The following HIVEP3 variants were observed in gnomAD, a reference collection of about 807,000 sequenced individuals.
HIVEP3 encodes transcription factor HIVEP3.
In HIVEP3, 49 loss-of-function variants were observed where a neutral mutation model predicts 152.8. The observed-to-expected ratio is 0.32, with a 90% CI of 0.26 to 0.41. The LOEUF (loss-of-function observed/expected upper bound fraction) is 0.41. Ranked by LOEUF, HIVEP3 falls within the 10% of genes least tolerant of loss-of-function variation. The probability of loss-of-function intolerance (pLI) is 1.00; values close to 1 mark genes in which losing one functional copy is unlikely to be tolerated. For synonymous variants in HIVEP3, 1,269 were observed against 1,289.0 expected, an observed-to-expected ratio of 0.98 and a Z score of 0.33; for missense variants, 2,790 against 3,103.3, an observed-to-expected ratio of 0.90 and a Z score of 2.40.
chr1:41,740,865 G>A (rs993273391), intron 1 of HIVEP3, among the ~76,000 whole-genome samples: 1 of 152,200 alleles, frequency 6.6e-6, no homozygotes, highest in African/African-American at 2.4e-5. Context: ...AGCATGGCTG[G>A]GGAGGACAGC....
chr1:41,600,729 C>T (rs577869104), intron 3 of HIVEP3, among the ~76,000 whole-genome samples: 2 of 152,254 alleles, frequency 1.3e-5, no homozygotes, highest in Admixed American at 6.5e-5. Flanking sequence ...AAGATTTTAA[C>T]AGGCACTACA....
chr1:41,725,631 G>A (rs938294686), intron 1 of HIVEP3, among the ~76,000 whole-genome samples: 1 of 152,186 alleles, frequency 6.6e-6, no homozygotes, highest in Non-Finnish European at 1.5e-5. Flanking sequence ...TCCAGCATCC[G>A]TATGGAAACT....
intron 1 of HIVEP3, among the ~76,000 whole-genome samples, chr1:41,889,321 T>C (rs558049137): frequency 1.6e-4 from 25 of 152,312 alleles, no homozygotes; most frequent in African/African-American, 6.0e-4. Context: ...GAAACCTTAG[T>C]TGCAGCTTTA....
chr1:41,648,959 C>A (rs1645503791), intron 2 of HIVEP3, among the ~76,000 whole-genome samples: 1 of 152,266 alleles, frequency 6.6e-6, no homozygotes, highest in Admixed American at 6.5e-5. Flanking sequence ...GGCTTGGTAG[C>A]TCAAGTGCTC....
At position 41,607,995 on chromosome 1, in the gene HIVEP3, T is replaced by G. The variant is rs116791661; in HGVS notation, c.-522+20754A>C. ...TGTCATTTCAGCTCACACGAGCCCATGGCCACTCCTAGCTGCTAGGAGGGT... is the reference window on the plus strand; with the variant it reads ...TGTCATTTCAGCTCACACGAGCCCAGGGCCACTCCTAGCTGCTAGGAGGGT... On this transcript the variant is annotated intron_variant, in intron 3 of 8. Coordinates refer to ENST00000372583, the MANE Select transcript of HIVEP3 (RefSeq NM_024503.5). 2.2e-3 allele frequency among the ~76,000 whole-genome samples: 332 copies of G among 152,320 alleles called. 1 individual carries two copies. Among genetic ancestry groups the G allele is most frequent in the African/African-American group, 7.5e-3 (312 of 41,564 alleles).
At chr1:41,763,156 C>A (rs1367355576) in intron 1 of HIVEP3, among the ~76,000 whole-genome samples, 1 of 152,192 alleles carries the variant, frequency 6.6e-6, no homozygotes, top group Non-Finnish European at 1.5e-5. Flanking sequence ...GGGTCAGAGA[C>A]CCTCTTTTTC....
intron 1 of HIVEP3, among the ~76,000 whole-genome samples, chr1:41,983,425 T>C (rs1645304948): frequency 1.3e-5 from 2 of 152,178 alleles, no homozygotes; most frequent in South Asian, 4.1e-4. Flanking sequence ...CTTTTTGTTA[T>C]CCTTTTCCTT....
Position 41,510,900 on chromosome 1 carries a change from C to T in HIVEP3, c.6772G>A (p.Ala2258Thr), listed in dbSNP as rs762364178. ...ESSSASVSPV[A>T]KVSKFTLSSE... is the part of the protein sequence containing the mutation. ...GAGAGTGTGAATTTGGAGACCTTAGCCACAGGCGACACGGAGGCTGACGAG... is the reference window on the plus strand; with the variant it reads ...GAGAGTGTGAATTTGGAGACCTTAGTCACAGGCGACACGGAGGCTGACGAG... The change falls in exon 9 of 9, where the codon GCT (alanine) becomes ACT (threonine). Residue 2258 changes from alanine to threonine, a missense_variant. Ala to Thr is a moderately conservative substitution (Grantham distance 58). This residue lies in a region of HIVEP3 where 816 missense variants were observed against 806.5 expected (regional missense o/e 1.01). Coordinates refer to ENST00000372583, the MANE Select transcript of HIVEP3 (RefSeq NM_024503.5). The T allele has an allele frequency of 1.2e-6, 2 of 1,613,550 alleles. No homozygotes were observed. The highest frequency in any genetic ancestry group is 1.7e-6 in the Non-Finnish European group (2 of 1,179,896).
At chr1:41,830,274 A>G (rs560099547) in intron 1 of HIVEP3, among the ~76,000 whole-genome samples, 1 of 131,844 alleles carries the variant, frequency 7.6e-6, no homozygotes, top group Non-Finnish European at 1.7e-5. Flanking sequence ...TGCCCATCCC[A>G]TAAGTTGGAA....
chr1:41,617,700 A>G (rs907393663), intron 3 of HIVEP3, among the ~76,000 whole-genome samples: 8 of 152,272 alleles, frequency 5.3e-5, no homozygotes, highest in African/African-American at 1.9e-4. Context: ...CCAAGTAGGT[A>G]GGATTCAGAC....
At chr1:41,671,598 C>T (rs1645877041) in intron 2 of HIVEP3, among the ~76,000 whole-genome samples, 1 of 152,258 alleles carries the variant, frequency 6.6e-6, no homozygotes, top group African/African-American at 2.4e-5. Flanking sequence ...TGGAGTCCCA[C>T]TCTGCCTTCT....
chr1:41,617,952 G>C (rs894597640), intron 3 of HIVEP3, among the ~76,000 whole-genome samples: 6 of 152,192 alleles, frequency 3.9e-5, no homozygotes. Flanking sequence ...CATGTCATTG[G>C]GTGTGTGGCA....
At chr1:41,647,945 G>A (rs1469382942) in intron 2 of HIVEP3, among the ~76,000 whole-genome samples, 1 of 152,218 alleles carries the variant, frequency 6.6e-6, no homozygotes, top group African/African-American at 2.4e-5. Context: ...ACTCTCACAA[G>A]CCCTGCCAGC....
At position 41,583,116 on chromosome 1, in the gene HIVEP3, T is replaced by G; in HGVS notation, c.1682A>C (p.Tyr561Ser). ...GTCGGTGATATGGTCATCGAAGGAGTAGCTACCTCGGAAGGGGTGGTGGGG... is the reference window on the plus strand; with the variant it reads ...GTCGGTGATATGGTCATCGAAGGAGGAGCTACCTCGGAAGGGGTGGTGGGG... The part of the protein sequence containing the change: ...STPHHPFRGS[Y>S]SFDDHITDSE... Residue 561 changes from tyrosine (Y) to serine (S), a missense_variant, in exon 4 of 9, where the codon TAC (tyrosine) becomes TCC (serine). Coordinates refer to ENST00000372583, the MANE Select transcript of HIVEP3 (RefSeq NM_024503.5). The surrounding 1 kb of genome is among the most constrained non-coding windows in gnomAD (Gnocchi z 6.9). 6.2e-7 allele frequency: 1 copy of G among 1,612,150 alleles called. No homozygotes were observed. Among genetic ancestry groups the G allele is most frequent in the Non-Finnish European group, 8.5e-7 (1 of 1,179,596 alleles).
At chr1:41,988,556 G>A (rs188241774) in intron 1 of HIVEP3, among the ~76,000 whole-genome samples, 372 of 152,236 alleles carry the variant, frequency 2.4e-3, no homozygotes, top group African/African-American at 8.6e-3. Context: ...TCAAAAAGAT[G>A]AGAAATAACA....
chr1:41,531,043 G>A (rs553605663), intron 5 of HIVEP3, among the ~76,000 whole-genome samples: 4 of 151,142 alleles, frequency 2.6e-5, no homozygotes, highest in Non-Finnish European at 5.9e-5. Flanking sequence ...CAGGAGAGAT[G>A]GAGAATGGGA....
chr1:41,666,888 C>A (rs1022477089), intron 2 of HIVEP3, among the ~76,000 whole-genome samples: 3 of 152,212 alleles, frequency 2.0e-5, no homozygotes, highest in Non-Finnish European at 2.9e-5. Flanking sequence ...CTATCCCCAT[C>A]CACCCTATGC....
At chr1:41,973,300 T>C (rs1168121703) in intron 1 of HIVEP3, among the ~76,000 whole-genome samples, 1 of 152,374 alleles carries the variant, frequency 6.6e-6, no homozygotes, top group East Asian at 1.9e-4. Flanking sequence ...TCAGGGTCTC[T>C]TGCAAGGCTG....
intron 1 of HIVEP3, among the ~76,000 whole-genome samples, chr1:41,795,881 TTG>T (rs1267963981): frequency 1.3e-5 from 2 of 152,186 alleles, no homozygotes; most frequent in Admixed American, 6.5e-5. Flanking sequence ...GCTCATTTTT[TTG>T]TGTGTTTGCT....
Sources: allele counts gnomAD v4.1 joint callset (sites outside exome capture counted in the v4.1 genomes callset), GRCh38; gene constraint gnomAD v4.1.1; regional missense constraint gnomAD v4.1.1; non-coding constraint Gnocchi (gnomAD v3.1); transcripts MANE v1.5; gene names NCBI Gene and HGNC (gene_info 2026-07-23, HGNC 2026-07-21).